Variants in GREB1L observed in about 807,000 individuals in gnomAD.
The protein encoded by GREB1L is GREB1-like protein.
Under a neutral mutation model 200.8 loss-of-function variants are expected in GREB1L, and 17 were observed. That is an observed-to-expected ratio of 0.08 (90% CI 0.06 to 0.13). The LOEUF (loss-of-function observed/expected upper bound fraction) is 0.13, where lower values mean the gene tolerates loss of function less well. Among genes scored for constraint, GREB1L ranks in the 10% least tolerant of loss-of-function variants. GREB1L has a pLI of 1.00. For synonymous variants in GREB1L, 789 were observed against 893.0 expected, an observed-to-expected ratio of 0.88 and a Z score of 2.08; for missense variants, 1,657 against 2,367.7, an observed-to-expected ratio of 0.70 and a Z score of 6.23.
chr18:21,329,772 G>A (rs1358965079), intron 1 of GREB1L, among the ~76,000 whole-genome samples: 1 of 152,004 alleles, frequency 6.6e-6, no homozygotes, highest in Non-Finnish European at 1.5e-5. Flanking sequence ...TTAATTTCTG[G>A]TCCTCTGCTG....
At chr18:21,271,924 A>C (rs2038085939) in intron 1 of GREB1L, among the ~76,000 whole-genome samples, 1 of 152,144 alleles carries the variant, frequency 6.6e-6, no homozygotes, top group South Asian at 2.1e-4. Context: ...GTTTAGACCA[A>C]CCAAAATCTT....
chr18:21,470,044 A>T (rs965928737), intron 15 of GREB1L, among the ~76,000 whole-genome samples: 2 of 152,128 alleles, frequency 1.3e-5, no homozygotes, highest in African/African-American at 4.8e-5. Flanking sequence ...CAGTGCTTTG[A>T]GAGGCCAAAG....
chr18:21,332,489 T>G (rs575850525), intron 1 of GREB1L, among the ~76,000 whole-genome samples: 13 of 152,266 alleles, frequency 8.5e-5, no homozygotes, highest in African/African-American at 3.1e-4. Flanking sequence ...TTTTTTTTTC[T>G]TTTGAGATGG....
chr18:21,474,722 A>G lies in GREB1L; in HGVS notation c.2363+1511A>G, dbSNP rs1465063374. Among the ~76,000 whole-genome samples, 7 of 152,158 alleles carry G rather than the reference A, an allele frequency of 4.6e-5. No individual in the cohort carries two copies. In the South Asian group the frequency reaches 8.3e-4, roughly 18 times the overall value. On this transcript the variant is annotated intron_variant, in intron 16 of 32. Coordinates refer to ENST00000424526, the MANE Select transcript of GREB1L (RefSeq NM_001142966.3). ...AGCCACTTTTCCCTCCTGGCCCACAAAAATACTTTTTCCTCCTAGGCCTCT... is the reference window on the plus strand; with the variant it reads ...AGCCACTTTTCCCTCCTGGCCCACAGAAATACTTTTTCCTCCTAGGCCTCT...
intron 1 of GREB1L, among the ~76,000 whole-genome samples, chr18:21,306,529 G>A (rs1033738644): frequency 6.6e-6 from 1 of 152,186 alleles, no homozygotes; most frequent in African/African-American, 2.4e-5. Context: ...TTGAACAACA[G>A]TACGAAGTGT....
At chr18:21,512,525 C>G (rs963446291) in intron 27 of GREB1L, among the ~76,000 whole-genome samples, 1 of 152,188 alleles carries the variant, frequency 6.6e-6, no homozygotes, top group Non-Finnish European at 1.5e-5. Context: ...GCATCTGCAT[C>G]TTTGCTGGAT....
chr18:21,524,777 C>CAA lies in GREB1L; in HGVS notation c.*1958_*1959dup, dbSNP rs984673556. The CAA allele has an allele frequency of 6.6e-6, 1 of 151,852 alleles. No homozygotes were observed. Among genetic ancestry groups the CAA allele is most frequent in the African/African-American group, 2.4e-5 (1 of 41,334 alleles). 9.4% of individuals were successfully genotyped at this position (151,852 alleles called of 1,614,324 possible). On this transcript the variant is annotated 3_prime_UTR_variant, in exon 33 of 33. Transcript: ENST00000424526. ...TAGTTAGGGCTGCACTCTGAAAATTCAAATTATTATTATGAGCTCTTAAAT... is the reference window on the plus strand; with the variant it reads ...TAGTTAGGGCTGCACTCTGAAAATTCAAAAATTATTATTATGAGCTCTTAAAT...
intron 7 of GREB1L, among the ~76,000 whole-genome samples, chr18:21,415,913 G>A (rs1195427353): frequency 6.6e-6 from 1 of 152,042 alleles, no homozygotes; most frequent in Non-Finnish European, 1.5e-5. Context: ...AAAACACTCA[G>A]CACCCAACTA....
chr18:21,470,070 A>G (rs2035419533), intron 15 of GREB1L, among the ~76,000 whole-genome samples: 1 of 152,096 alleles, frequency 6.6e-6, no homozygotes, highest in Non-Finnish European at 1.5e-5. Flanking sequence ...GGACTGCTTG[A>G]GGCCAGGGGT....
chr18:21,265,578 G>A (rs2037954118), intron 1 of GREB1L, among the ~76,000 whole-genome samples: 1 of 152,070 alleles, frequency 6.6e-6, no homozygotes, highest in Admixed American at 6.6e-5. Context: ...CAGTCTATTT[G>A]GGGCACATAT....
intron 32 of GREB1L, 63 bp downstream of exon 32, chr18:21,520,886 G>T: frequency 7.1e-7 from 1 of 1,410,442 alleles, no homozygotes; most frequent in Non-Finnish European, 9.5e-7. Context: ...AAATACAGAA[G>T]ATAAAGATAT....
At position 21,449,650 on chromosome 18, in the gene GREB1L, A is replaced by G; in HGVS notation, c.1534A>G (p.Arg512Gly). Reference sequence around the variant, plus strand: ...ACCAGGACAACTCCCCTGGCTTGCTAGATTAATTGCCAGCGTATCTCAAGA... The same window carrying G: ...ACCAGGACAACTCCCCTGGCTTGCTGGATTAATTGCCAGCGTATCTCAAGA... ...VSPGQLPWLARLIASVSQDLV... is the reference protein window; with the variant it reads ...VSPGQLPWLAGLIASVSQDLV... Residue 512 changes from arginine (R) to glycine (G), a missense_variant, in exon 12 of 33, where the codon AGA (arginine) becomes GGA (glycine). By Grantham distance (125) the Arg-to-Gly change is moderately radical (BLOSUM62 -2). This residue lies in a region of GREB1L where 289 missense variants were observed against 345.1 expected (regional missense o/e 0.84). Transcript: ENST00000424526. 6.4e-7 allele frequency: 1 copy of G among 1,551,680 alleles called. No homozygotes were observed. Among genetic ancestry groups the G allele is most frequent in the East Asian group, 2.4e-5 (1 of 40,918 alleles).
intron 1 of GREB1L, among the ~76,000 whole-genome samples, chr18:21,305,382 TTCTA>T (rs1280250211): frequency 1.3e-5 from 2 of 152,210 alleles, no homozygotes; most frequent in Non-Finnish European, 2.9e-5. Context: ...TACATAACTG[TTCTA>T]TCTACCTCAT....
chr18:21,330,495 T>C (rs1007287401), intron 1 of GREB1L, among the ~76,000 whole-genome samples: 2 of 152,202 alleles, frequency 1.3e-5, no homozygotes, highest in Admixed American at 1.3e-4. Context: ...CATTTCGTGT[T>C]GATTGCTTTG....
chr18:21,466,509 A>G (rs1424796156), intron 15 of GREB1L, among the ~76,000 whole-genome samples: 3 of 152,132 alleles, frequency 2.0e-5, no homozygotes, highest in Non-Finnish European at 4.4e-5. Context: ...AATTTTAATC[A>G]CAAGAATATC....
chr18:21,337,439 T>C (rs185514526), intron 1 of GREB1L, among the ~76,000 whole-genome samples: 2 of 152,236 alleles, frequency 1.3e-5, no homozygotes, highest in Admixed American at 1.3e-4. Flanking sequence ...ATCCAAGAAG[T>C]AGTGGAGAGT....
intron 1 of GREB1L, among the ~76,000 whole-genome samples, chr18:21,251,219 C>A (rs2037698036): frequency 6.6e-6 from 1 of 152,120 alleles, no homozygotes; most frequent in African/African-American, 2.4e-5. Flanking sequence ...CTGTCTTTTC[C>A]CTTTCCCCTT....
chr18:21,435,299 C>G (rs2033464457), intron 7 of GREB1L, among the ~76,000 whole-genome samples: 1 of 152,158 alleles, frequency 6.6e-6, no homozygotes, highest in Non-Finnish European at 1.5e-5. Flanking sequence ...TTGGAAGTGA[C>G]ATAACAATCT....
At chr18:21,255,167 T>C (rs1049533537) in intron 1 of GREB1L, among the ~76,000 whole-genome samples, 5 of 152,178 alleles carry the variant, frequency 3.3e-5, no homozygotes, top group Non-Finnish European at 5.9e-5. Context: ...GATAATTTAA[T>C]ATAAAACCTC....
Sources: allele counts gnomAD v4.1 joint callset (sites outside exome capture counted in the v4.1 genomes callset), GRCh38; gene constraint gnomAD v4.1.1; regional missense constraint gnomAD v4.1.1; transcripts MANE v1.5; gene names NCBI Gene and HGNC (gene_info 2026-07-23, HGNC 2026-07-21).